KCNIP4: variants seen among roughly 807,000 people sequenced by gnomAD.
KCNIP4 encodes the protein potassium voltage-gated channel interacting protein 4, also known as Kv channel-interacting protein 4.
A neutral mutation model predicts 34.0 loss-of-function variants in KCNIP4; 12 were observed. The ratio of observed to expected loss-of-function variants is 0.35; its 90% CI spans 0.23 to 0.57. KCNIP4 has a LOEUF of 0.57. KCNIP4 is among the 20% of genes least tolerant of loss of function. The probability of loss-of-function intolerance (pLI) is 0.83; values close to 1 mark genes in which losing one functional copy is unlikely to be tolerated. For synonymous variants in KCNIP4, 124 were observed against 102.2 expected (o/e 1.21, Z -1.29); for missense variants, 238 against 311.7 (o/e 0.76, Z 1.78).
At chr4:20,785,429 C>T (rs1238144427) in intron 3 of KCNIP4, among the ~76,000 whole-genome samples, 1 of 151,476 alleles carries the variant, frequency 6.6e-6, no homozygotes, top group Non-Finnish European at 1.5e-5. Flanking sequence ...CTGCAGATAC[C>T]ACTTAGGAAG....
intron 1 of KCNIP4, among the ~76,000 whole-genome samples, chr4:21,820,434 C>T (rs1722289620): frequency 6.6e-6 from 1 of 151,462 alleles, no homozygotes; most frequent in Non-Finnish European, 1.5e-5. Flanking sequence ...TCAGACAATA[C>T]ATTTTTGAAA....
intron 1 of KCNIP4, among the ~76,000 whole-genome samples, chr4:21,347,676 T>C (rs932760687): frequency 2.6e-5 from 4 of 152,312 alleles, no homozygotes; most frequent in African/African-American, 7.2e-5. Flanking sequence ...AGATGTTACA[T>C]ATAAAGCATG....
At chr4:21,804,045 A>G (rs572324095) in intron 1 of KCNIP4, among the ~76,000 whole-genome samples, 1 of 152,338 alleles carries the variant, frequency 6.6e-6, no homozygotes, top group East Asian at 1.9e-4. Flanking sequence ...GGCTTGGTAC[A>G]AGATTTGGCT....
intron 1 of KCNIP4, among the ~76,000 whole-genome samples, chr4:20,946,705 A>AC (rs1242342237): frequency 6.6e-6 from 1 of 152,148 alleles, no homozygotes. Context: ...TGTGTCAGGC[A>AC]CCGTGTCTTA....
intron 1 of KCNIP4, among the ~76,000 whole-genome samples, chr4:21,366,627 T>G (rs1719792903): frequency 6.6e-6 from 1 of 152,102 alleles, no homozygotes; most frequent in South Asian, 2.1e-4. Flanking sequence ...GAAACAGCTA[T>G]TATCCTAAAG....
chr4:21,760,337 A>G (rs1185692242), intron 1 of KCNIP4, among the ~76,000 whole-genome samples: 3 of 152,142 alleles, frequency 2.0e-5, no homozygotes, highest in Non-Finnish European at 4.4e-5. Flanking sequence ...GGTAATAACC[A>G]TGCCAAGAAA....
chr4:21,195,203 A>T (rs1755969948), intron 1 of KCNIP4, among the ~76,000 whole-genome samples: 1 of 152,234 alleles, frequency 6.6e-6, no homozygotes, highest in Admixed American at 6.5e-5. Context: ...AGCTGTGGGC[A>T]TCACCCAGGA....
At chr4:20,971,599 TA>T (rs1398737648) in intron 1 of KCNIP4, among the ~76,000 whole-genome samples, 1 of 152,222 alleles carries the variant, frequency 6.6e-6, no homozygotes, top group Non-Finnish European at 1.5e-5. Context: ...ACTTTACTGT[TA>T]AAAATTGATA....
At position 21,318,418 on chromosome 4, in the gene KCNIP4, C is replaced by T. The variant is rs73802556; in HGVS notation, c.62-435709G>A. Reference sequence around the variant, plus strand: ...TTCTTGCTACTCAAGGTAGAAAGAGCCTCTATAATTCTACTCTATTTGGAA... The same window carrying T: ...TTCTTGCTACTCAAGGTAGAAAGAGTCTCTATAATTCTACTCTATTTGGAA... On this transcript the variant is annotated intron_variant, in intron 1 of 8. Coordinates refer to ENST00000382152, the MANE Select transcript of KCNIP4 (RefSeq NM_025221.6). Among the ~76,000 whole-genome samples, 609 of 152,262 alleles carry T rather than the reference C, an allele frequency of 4.0e-3. 4 individuals are homozygous for T. The highest frequency in any genetic ancestry group is 0.014 in the African/African-American group (565 of 41,542).
intron 1 of KCNIP4, among the ~76,000 whole-genome samples, chr4:21,649,587 C>A (rs1032146025): frequency 6.6e-6 from 1 of 152,076 alleles, no homozygotes; most frequent in East Asian, 1.9e-4. Flanking sequence ...GTGAAACAGG[C>A]CTTAAAAAGT....
At chr4:21,579,568 T>C (rs7657068) in intron 1 of KCNIP4, among the ~76,000 whole-genome samples, 24,025 of 152,058 alleles carry the variant, frequency 0.16, 2,153 homozygotes, top group South Asian at 0.21. Context: ...CATGGATTGT[T>C]TCTCATCATA....
chr4:21,666,275 G>T (rs139103195), intron 1 of KCNIP4, among the ~76,000 whole-genome samples: 2 of 152,278 alleles, frequency 1.3e-5, no homozygotes, highest in Non-Finnish European at 2.9e-5. Context: ...ATGATACTTT[G>T]TACATAACCG....
chr4:21,673,246 G>A (rs938351439), intron 1 of KCNIP4, among the ~76,000 whole-genome samples: 2 of 152,086 alleles, frequency 1.3e-5, no homozygotes, highest in African/African-American at 2.4e-5. Context: ...CCAGACAGTC[G>A]AAATTACCCG....
At chr4:21,782,710 T>C (rs764722300) in intron 1 of KCNIP4, among the ~76,000 whole-genome samples, 2 of 151,910 alleles carry the variant, frequency 1.3e-5, no homozygotes, top group African/African-American at 4.8e-5. Context: ...ACAAACAAAC[T>C]TGTACACAAT....
At chr4:21,570,167 G>T (rs2109050203) in intron 1 of KCNIP4, among the ~76,000 whole-genome samples, 1 of 152,266 alleles carries the variant, frequency 6.6e-6, no homozygotes, top group East Asian at 1.9e-4. Flanking sequence ...GGCTGAAAAT[G>T]GGAGTCTGGA....
At chr4:21,944,661 G>A (rs995873926) in intron 1 of KCNIP4, among the ~76,000 whole-genome samples, 1 of 151,980 alleles carries the variant, frequency 6.6e-6, no homozygotes, top group Admixed American at 6.6e-5. Flanking sequence ...CTGTTGTTGA[G>A]CAAATATTAC....
chr4:20,861,970 G>GTTGTTA (rs1491173071), intron 2 of KCNIP4, among the ~76,000 whole-genome samples: 1 of 142,110 alleles, frequency 7.0e-6, no homozygotes. Flanking sequence ...TATGGTAGGA[G>GTTGTTA]TTATTATTAT....
At chr4:21,676,275 T>C (rs1749888606) in intron 1 of KCNIP4, among the ~76,000 whole-genome samples, 1 of 152,200 alleles carries the variant, frequency 6.6e-6, no homozygotes, top group African/African-American at 2.4e-5. Context: ...TTAGAAAATA[T>C]GAAATGAATG....
chr4:21,832,839 T>C (rs1723079419), intron 1 of KCNIP4, among the ~76,000 whole-genome samples: 1 of 149,022 alleles, frequency 6.7e-6, no homozygotes, highest in Admixed American at 6.7e-5. Context: ...GAATATGCGG[T>C]GTTTGGTTTT....
Sources: gnomAD v4.1 joint callset for allele counts (sites outside exome capture counted in the v4.1 genomes callset) on GRCh38, gnomAD v4.1.1 for gene constraint, MANE v1.5 for transcripts, NCBI Gene and HGNC (gene_info 2026-07-23, HGNC 2026-07-21) for gene names.